Variants in TMEM74 observed in about 807,000 individuals in gnomAD.
TMEM74 encodes transmembrane protein 74.
Under a neutral mutation model 18.1 loss-of-function variants are expected in TMEM74, and 13 were observed. That is an observed-to-expected ratio of 0.72 (90% CI 0.47 to 1.14). The LOEUF (loss-of-function observed/expected upper bound fraction) is 1.14. Ranked by LOEUF, TMEM74 falls within the 50% of genes most tolerant of loss-of-function variation. TMEM74 has a pLI of 0.00. For synonymous variants in TMEM74, 159 were observed against 146.6 expected (o/e 1.08, Z -0.61); for missense variants, 372 against 375.9 (o/e 0.99, Z 0.09).
chr8:108,645,513 G>T (rs888961548), intron 2 of TMEM74, among the ~76,000 whole-genome samples: 11 of 152,160 alleles, frequency 7.2e-5, no homozygotes, highest in African/African-American at 2.7e-4. Context: ...TTTTGGTTGT[G>T]CTAGAGAAAT....
At chr8:108,695,235 G>T (rs1813269083) in intron 1 of TMEM74, among the ~76,000 whole-genome samples, 1 of 152,140 alleles carries the variant, frequency 6.6e-6, no homozygotes, top group Non-Finnish European at 1.5e-5. Context: ...GGCTTGAACT[G>T]ATCACATGAG....
intron 1 of TMEM74, among the ~76,000 whole-genome samples, chr8:108,675,498 A>G (rs1472512698): frequency 6.6e-6 from 1 of 152,194 alleles, no homozygotes; most frequent in Non-Finnish European, 1.5e-5. Flanking sequence ...CGAATAAACA[A>G]TTTAAAATCG....
At chr8:108,661,289 A>C (rs765849603) in intron 1 of TMEM74, among the ~76,000 whole-genome samples, 23 of 151,728 alleles carry the variant, frequency 1.5e-4, no homozygotes, top group Non-Finnish European at 2.4e-4. Flanking sequence ...TATGCAGCCA[A>C]GATGTTTTTA....
intron 1 of TMEM74, among the ~76,000 whole-genome samples, chr8:108,657,859 A>AAAAATAT (rs1554630268): frequency 1.6e-4 from 8 of 49,888 alleles, no homozygotes; most frequent in Non-Finnish European, 2.4e-4. Context: ...AAAAAAAAAA[A>AAAAATAT]ATATATATAT....
intron 1 of TMEM74, among the ~76,000 whole-genome samples, chr8:108,772,697 A>G (rs188759622): frequency 1.3e-5 from 2 of 152,264 alleles, no homozygotes; most frequent in Admixed American, 1.3e-4. Flanking sequence ...AAGAGCATGA[A>G]TTTTTGTGTT....
At chr8:108,696,483 A>C (rs752803145) in intron 1 of TMEM74, among the ~76,000 whole-genome samples, 3 of 152,260 alleles carry the variant, frequency 2.0e-5, no homozygotes, top group Non-Finnish European at 2.9e-5. Context: ...ATATCCACTG[A>C]GTGCCTGCTA....
intron 2 of TMEM74, among the ~76,000 whole-genome samples, chr8:108,644,684 C>T (rs931643036): frequency 1.3e-5 from 2 of 151,924 alleles, no homozygotes; most frequent in Non-Finnish European, 2.9e-5. Flanking sequence ...TTAAAACGTG[C>T]GCAGAGAACA....
chr8:108,742,785 T>C (rs2130647251), intron 1 of TMEM74, among the ~76,000 whole-genome samples: 1 of 152,308 alleles, frequency 6.6e-6, no homozygotes, highest in Non-Finnish European at 1.5e-5. Context: ...GATTTTTCAC[T>C]ATAAAACAGA....
At chr8:108,734,017 G>A (rs530088354) in intron 1 of TMEM74, among the ~76,000 whole-genome samples, 1 of 152,338 alleles carries the variant, frequency 6.6e-6, no homozygotes, top group Non-Finnish European at 1.5e-5. Context: ...GGGATATCAA[G>A]AGAGCTGGTA....
intron 1 of TMEM74, among the ~76,000 whole-genome samples, chr8:108,665,758 A>G (rs1444964277): frequency 6.6e-6 from 1 of 152,138 alleles, no homozygotes; most frequent in Non-Finnish European, 1.5e-5. Flanking sequence ...TCTTTATTGA[A>G]TAGATAACAG....
At chr8:108,756,402 G>A (rs973421278) in intron 1 of TMEM74, among the ~76,000 whole-genome samples, 11 of 151,340 alleles carry the variant, frequency 7.3e-5, no homozygotes, top group African/African-American at 2.7e-4. Context: ...ATCTGTTCCA[G>A]TAAGTGTATT....
chr8:108,718,901 T>C (rs1296490323), intron 1 of TMEM74, among the ~76,000 whole-genome samples: 5 of 151,916 alleles, frequency 3.3e-5, no homozygotes, highest in Non-Finnish European at 7.4e-5. Flanking sequence ...AATAAAGAGA[T>C]AATGAATGAA....
chr8:108,719,709 TG>T (rs1813567331), intron 1 of TMEM74, among the ~76,000 whole-genome samples: 1 of 151,986 alleles, frequency 6.6e-6, no homozygotes, highest in Non-Finnish European at 1.5e-5. Context: ...GAGAGGCTAG[TG>T]GGGGGTGGGG....
intron 2 of TMEM74, among the ~76,000 whole-genome samples, chr8:108,633,675 C>T (rs1236348612): frequency 6.6e-6 from 1 of 151,914 alleles, no homozygotes; most frequent in Non-Finnish European, 1.5e-5. Context: ...TTACTATGTT[C>T]TCTCTCTCTG....
At chr8:108,736,769 A>G (rs1390335514) in intron 1 of TMEM74, among the ~76,000 whole-genome samples, 3 of 152,130 alleles carry the variant, frequency 2.0e-5, no homozygotes, top group Admixed American at 1.3e-4. Context: ...TTTACCATAT[A>G]CACAGTTTGT....
chr8:108,639,577 C>A (rs1260991996), intron 2 of TMEM74, among the ~76,000 whole-genome samples: 1 of 152,108 alleles, frequency 6.6e-6, no homozygotes, highest in Non-Finnish European at 1.5e-5. Flanking sequence ...AGGTGATTAT[C>A]ATTGATTAGT....
At chr8:108,749,474 T>C (rs1209625301) in intron 1 of TMEM74, among the ~76,000 whole-genome samples, 1 of 152,180 alleles carries the variant, frequency 6.6e-6, no homozygotes, top group Non-Finnish European at 1.5e-5. Flanking sequence ...TGTACAGTGA[T>C]GCTAGCAATT....
chr8:108,771,677 T>C (rs1183201600), intron 1 of TMEM74, among the ~76,000 whole-genome samples: 1 of 152,222 alleles, frequency 6.6e-6, no homozygotes, highest in Non-Finnish European at 1.5e-5. Context: ...TGTACAGCAA[T>C]CCAGTTTATG....
intron 2 of TMEM74, among the ~76,000 whole-genome samples, chr8:108,629,751 GAGAAATAAAATCCTTTCC>G (rs1159286530): frequency 6.6e-6 from 1 of 151,912 alleles, no homozygotes; most frequent in East Asian, 1.9e-4. Flanking sequence ...ATAAGCAAAG[GAGAAATAAAATCCTTTCC>G]AGACAAGAAA....
Sources: allele counts gnomAD v4.1 joint callset (sites outside exome capture counted in the v4.1 genomes callset), GRCh38; gene constraint gnomAD v4.1.1; transcripts MANE v1.5; gene names NCBI Gene and HGNC (gene_info 2026-07-23, HGNC 2026-07-21).